Variants in NALF1 observed in about 807,000 individuals in gnomAD.
NALF1 encodes the protein family with sequence similarity 155 member A.
Under a neutral mutation model 48.4 loss-of-function variants are expected in NALF1, and 3 were observed. That is an observed-to-expected ratio of 0.06 (90% CI 0.03 to 0.16). The LOEUF (loss-of-function observed/expected upper bound fraction) is 0.16, where lower values mean the gene tolerates loss of function less well. Ranked by LOEUF, NALF1 falls within the 10% of genes least tolerant of loss-of-function variation. The pLI, the probability that NALF1 is intolerant of heterozygous loss-of-function variation, is 1.00. For synonymous variants in NALF1, 262 were observed against 245.7 expected (o/e 1.07, Z -0.62); for missense variants, 526 against 571.5 (o/e 0.92, Z 0.81).
chr13:107,820,688 AT>A, intron 1 of NALF1, among the ~76,000 whole-genome samples: 1 of 152,210 alleles, frequency 6.6e-6, no homozygotes, highest in East Asian at 1.9e-4. Context: ...TCACATTTTA[AT>A]GAAAAATACA....
At chr13:107,615,738 CT>C (rs1310795322) in intron 1 of NALF1, among the ~76,000 whole-genome samples, 1 of 152,188 alleles carries the variant, frequency 6.6e-6, no homozygotes, top group Non-Finnish European at 1.5e-5. Flanking sequence ...AATATATTTT[CT>C]TTTACACTAG....
chr13:107,505,205 C>G (rs903783668), intron 1 of NALF1, among the ~76,000 whole-genome samples: 28 of 151,984 alleles, frequency 1.8e-4, no homozygotes, highest in African/African-American at 5.8e-4. Flanking sequence ...TCCTAGCAGA[C>G]AATACAGAAA....
chr13:107,261,291 T>C (rs1375276335), intron 1 of NALF1, among the ~76,000 whole-genome samples: 1 of 152,122 alleles, frequency 6.6e-6, no homozygotes, highest in Non-Finnish European at 1.5e-5. Context: ...ACTGTGTACC[T>C]TCCCTCCATC....
chr13:107,256,426 G>A (rs1036583915), intron 1 of NALF1, among the ~76,000 whole-genome samples: 6 of 152,158 alleles, frequency 3.9e-5, no homozygotes, highest in East Asian at 1.9e-4. Flanking sequence ...TTTGTTGACC[G>A]TCTAATCTTT....
At position 107,461,907 on chromosome 13, in the gene NALF1, C is replaced by T. The variant is rs558878505; in HGVS notation, c.916-251152G>A. ...AAACAGACACTGGCTCTTTTCCCAGCTTTTGCCCTGGTCTCAGCTCCCAGC... is the reference window on the plus strand; with the variant it reads ...AAACAGACACTGGCTCTTTTCCCAGTTTTTGCCCTGGTCTCAGCTCCCAGC... On this transcript the variant is annotated intron_variant, in intron 1 of 2. Coordinates refer to ENST00000375915, the MANE Select transcript of NALF1 (RefSeq NM_001080396.3). Among the ~76,000 whole-genome samples the T allele has an allele frequency of 2.4e-4, 36 of 152,286 alleles. 1 individual carries two copies. The South Asian group carries it at 5.0e-3, about 21-fold the overall frequency.
intron 1 of NALF1, among the ~76,000 whole-genome samples, chr13:107,768,728 T>C (rs2138567861): frequency 6.6e-6 from 1 of 152,308 alleles, no homozygotes; most frequent in Non-Finnish European, 1.5e-5. Flanking sequence ...CAGCAATTTC[T>C]TCAGAGTTTA....
At chr13:107,554,366 G>C (rs998541916) in intron 1 of NALF1, among the ~76,000 whole-genome samples, 1 of 152,224 alleles carries the variant, frequency 6.6e-6, no homozygotes, top group African/African-American at 2.4e-5. Context: ...CCTTTAGTGA[G>C]AGAGTTTGTG....
chr13:107,849,391 T>A (rs1209139397), intron 1 of NALF1, among the ~76,000 whole-genome samples: 1 of 152,132 alleles, frequency 6.6e-6, no homozygotes, highest in African/African-American at 2.4e-5. Flanking sequence ...TGTAAGACTT[T>A]GGGAAGATTT....
At chr13:107,297,749 T>TAA (rs1881752272) in intron 1 of NALF1, among the ~76,000 whole-genome samples, 1 of 152,220 alleles carries the variant, frequency 6.6e-6, no homozygotes. Flanking sequence ...TTTTATATTT[T>TAA]AATAATGACT....
At chr13:107,260,890 C>T (rs550660528) in intron 1 of NALF1, among the ~76,000 whole-genome samples, 2 of 152,304 alleles carry the variant, frequency 1.3e-5, no homozygotes, top group South Asian at 4.1e-4. Flanking sequence ...ATGCAAATGA[C>T]GTTAACATGC....
intron 1 of NALF1, among the ~76,000 whole-genome samples, chr13:107,385,515 T>C (rs2138977859): frequency 7.2e-6 from 1 of 138,472 alleles, no homozygotes; most frequent in South Asian, 2.3e-4. Context: ...ATCCCACCAC[T>C]GCACTCCAGC....
intron 1 of NALF1, among the ~76,000 whole-genome samples, chr13:107,225,853 A>G (rs1880092150): frequency 6.6e-6 from 1 of 152,054 alleles, no homozygotes; most frequent in Non-Finnish European, 1.5e-5. Context: ...ATGCGCACAG[A>G]CGCACTTTCC....
intron 1 of NALF1, among the ~76,000 whole-genome samples, chr13:107,587,034 C>A (rs1300901573): frequency 6.6e-6 from 1 of 151,990 alleles, no homozygotes; most frequent in African/African-American, 2.4e-5. Flanking sequence ...AGTTTTGGAC[C>A]TTTACTCACG....
intron 1 of NALF1, among the ~76,000 whole-genome samples, chr13:107,602,043 T>C (rs1878945166): frequency 6.6e-6 from 1 of 151,550 alleles, no homozygotes; most frequent in Non-Finnish European, 1.5e-5. Flanking sequence ...ATAAAGCTCA[T>C]GATTTAATTG....
chr13:107,285,235 G>T (rs1035153042), intron 1 of NALF1, among the ~76,000 whole-genome samples: 3 of 152,182 alleles, frequency 2.0e-5, no homozygotes, highest in Admixed American at 6.5e-5. Flanking sequence ...CTCTAGTCCT[G>T]TATAATACCT....
At chr13:107,374,638 A>G (rs1411516593) in intron 1 of NALF1, among the ~76,000 whole-genome samples, 1 of 152,146 alleles carries the variant, frequency 6.6e-6, no homozygotes, top group Non-Finnish European at 1.5e-5. Flanking sequence ...TAGTTTCACT[A>G]GCAATACCAC....
intron 1 of NALF1, among the ~76,000 whole-genome samples, chr13:107,504,926 T>A (rs556838887): frequency 6.6e-5 from 10 of 152,220 alleles, no homozygotes; most frequent in Admixed American, 1.3e-4. Context: ...AAGCCTGGTT[T>A]CAGGTCTGGG....
intron 1 of NALF1, among the ~76,000 whole-genome samples, chr13:107,705,266 T>C (rs1018973352): frequency 2.0e-5 from 3 of 152,128 alleles, no homozygotes; most frequent in African/African-American, 7.2e-5. Context: ...CCCTCACAAA[T>C]GTGCAGTACA....
At chr13:107,494,578 T>C (rs1286326395) in intron 1 of NALF1, among the ~76,000 whole-genome samples, 1 of 152,260 alleles carries the variant, frequency 6.6e-6, no homozygotes, top group Non-Finnish European at 1.5e-5. Context: ...CATTCATTGC[T>C]GCATAACTGA....
Sources: allele counts gnomAD v4.1 joint callset (sites outside exome capture counted in the v4.1 genomes callset), GRCh38; gene constraint gnomAD v4.1.1; transcripts MANE v1.5; gene names NCBI Gene and HGNC (gene_info 2026-07-23, HGNC 2026-07-21).